Variants in FNIP1 observed in about 807,000 individuals in gnomAD.
The protein encoded by FNIP1 is folliculin-interacting protein 1.
In FNIP1, 40 loss-of-function variants were observed where a neutral mutation model predicts 124.5. The observed-to-expected ratio is 0.32, with a 90% CI of 0.25 to 0.42. The LOEUF is 0.42. Among genes scored for constraint, FNIP1 ranks in the 10% least tolerant of loss-of-function variants. The pLI, the probability that FNIP1 is intolerant of heterozygous loss-of-function variation, is 1.00. For missense variants in FNIP1, 1,176 were observed against 1,403.7 expected (o/e 0.84, Z 2.59); for synonymous variants, 472 against 470.6 (o/e 1.00, Z -0.04).
At chr5:131,776,578 GAAT>G (rs1447747516) in intron 1 of FNIP1, among the ~76,000 whole-genome samples, 3 of 152,178 alleles carry the variant, frequency 2.0e-5, no homozygotes, top group Non-Finnish European at 4.4e-5. Flanking sequence ...GTGGCAATAT[GAAT>G]AAATCTGAAA....
At chr5:131,761,257 C>T (rs956474058) in intron 1 of FNIP1, among the ~76,000 whole-genome samples, 3 of 152,038 alleles carry the variant, frequency 2.0e-5, no homozygotes, top group Non-Finnish European at 2.9e-5. Context: ...ACATACTGAC[C>T]AGGAAGTCCT....
intron 10 of FNIP1, 25 bp from the exon 11 acceptor site, chr5:131,699,027 T>A (rs775225628): frequency 6.3e-7 from 1 of 1,581,928 alleles, no homozygotes. Flanking sequence ...TTGAGATAGT[T>A]AATTCTTATG....
chr5:131,744,833 T>A, intron 1 of FNIP1, 143 bp from the exon 2 acceptor site: 1 of 527,846 alleles, frequency 1.9e-6, no homozygotes, highest in Non-Finnish European at 2.7e-6. Context: ...ATATTAAATA[T>A]CACCAGTTCA....
At chr5:131,665,573 A>AT (rs1554092474) in intron 15 of FNIP1, among the ~76,000 whole-genome samples, 5 of 149,594 alleles carry the variant, frequency 3.3e-5, no homozygotes, top group East Asian at 3.9e-4. Flanking sequence ...AGGATTAAAA[A>AT]ATATATATAT....
At chr5:131,702,414 A>G (rs1041054539) in intron 10 of FNIP1, among the ~76,000 whole-genome samples, 1 of 152,134 alleles carries the variant, frequency 6.6e-6, no homozygotes, top group Admixed American at 6.5e-5. Context: ...AAATGGGCAT[A>G]TAATTTGAAA....
intron 2 of FNIP1, among the ~76,000 whole-genome samples, chr5:131,732,402 C>G (rs7702182): frequency 0.44 from 66,130 of 151,988 alleles, 17,565 homozygotes; most frequent in Non-Finnish European, 0.59. Context: ...GAGGTCCTTG[C>G]CCATGCCTAT....
In FNIP1 at chr5:131,778,825, G is replaced by A. The variant is rs1490487489; in HGVS notation, c.92+18005C>T. On this transcript the variant is annotated intron_variant, in intron 1 of 17. Coordinates refer to ENST00000510461, the MANE Select transcript of FNIP1 (RefSeq NM_133372.3). ...GGAATACTATGCAGCCATAAAAAAG[G>A]ATGAGTTCATGTCGTTTGTAGGGAC... 3.8e-3 allele frequency among the ~76,000 whole-genome samples: 527 copies of A among 138,572 alleles called. 10 individuals are homozygous for A. The highest frequency in any genetic ancestry group is 0.014 in the African/African-American group (513 of 36,208). The allele number at this position is 138,572 out of a possible 152,430, so 90.9% of individuals were successfully genotyped here.
At chr5:131,763,243 CTG>C (rs529036968) in intron 1 of FNIP1, among the ~76,000 whole-genome samples, 75 of 152,064 alleles carry the variant, frequency 4.9e-4, no homozygotes, top group African/African-American at 1.8e-3. Flanking sequence ...TTATTACACA[CTG>C]TATGCCTGTA....
intron 6 of FNIP1, among the ~76,000 whole-genome samples, chr5:131,712,517 A>G (rs1769329909): frequency 6.6e-6 from 1 of 152,192 alleles, no homozygotes; most frequent in South Asian, 2.1e-4. Flanking sequence ...ATCACAAAAG[A>G]CTGAATACAG....
intron 3 of FNIP1, among the ~76,000 whole-genome samples, chr5:131,721,029 C>T (rs1405526859): frequency 4.6e-5 from 7 of 152,160 alleles, no homozygotes; most frequent in Non-Finnish European, 1.0e-4. Flanking sequence ...GTTAGCACTC[C>T]TATATTCATT....
intron 1 of FNIP1, among the ~76,000 whole-genome samples, chr5:131,773,027 ACT>A (rs1580827174): frequency 6.6e-6 from 1 of 152,026 alleles, no homozygotes; most frequent in East Asian, 1.9e-4. Context: ...GTGTATCTTG[ACT>A]CTCAATAATC....
At chr5:131,646,559 A>G (rs1191116563) in intron 17 of FNIP1, among the ~76,000 whole-genome samples, 1 of 152,236 alleles carries the variant, frequency 6.6e-6, no homozygotes, top group Non-Finnish European at 1.5e-5. Flanking sequence ...AAGTGACCAC[A>G]GAACATAATG....
intron 2 of FNIP1, among the ~76,000 whole-genome samples, chr5:131,732,602 CTTGT>C (rs1400495560): frequency 6.6e-6 from 1 of 152,190 alleles, no homozygotes; most frequent in African/African-American, 2.4e-5. Context: ...TTCCCCATTG[CTTGT>C]TTTTGTCAGG....
intron 2 of FNIP1, among the ~76,000 whole-genome samples, chr5:131,739,730 G>A (rs1366200794): frequency 6.0e-5 from 9 of 149,360 alleles, no homozygotes; most frequent in East Asian, 2.0e-4. Context: ...GGAGAATGGC[G>A]TGAACCCAGG....
chr5:131,690,084 A>T (rs1302875059), intron 11 of FNIP1, among the ~76,000 whole-genome samples: 2 of 152,008 alleles, frequency 1.3e-5, no homozygotes, highest in Non-Finnish European at 2.9e-5. Context: ...TTAGCCGGGC[A>T]TGGTGGCGGG....
chr5:131,672,230 C>A lies in FNIP1; in HGVS notation c.2214G>T (p.Val738=). 1.2e-6 allele frequency: 2 copies of A among 1,614,190 alleles called. No homozygotes were observed. Among genetic ancestry groups the A allele is most frequent in the Non-Finnish European group, 1.7e-6 (2 of 1,180,038 alleles). Residue 738 remains valine (V), a synonymous_variant, in exon 14 of 18, where the codon GTG becomes GTT. Coordinates refer to ENST00000510461, the MANE Select transcript of FNIP1 (RefSeq NM_133372.3). ...CAGCCTCACAAGAAAATGAAGCAGG[C>A]ACAATCTTATCTGGAGGTTTTTTTT... is the stretch of plus-strand genomic sequence containing the variant. The part of the protein sequence containing the change: ...VVEKKPPDKI[V]PASFSCEAAQ...
intron 15 of FNIP1, among the ~76,000 whole-genome samples, chr5:131,656,336 C>T (rs552320964): frequency 1.3e-5 from 2 of 152,256 alleles, no homozygotes; most frequent in East Asian, 3.9e-4. Context: ...ACCATGAGGA[C>T]AGTTGTAAAA....
chr5:131,723,275 T>A (rs555158942), intron 3 of FNIP1, among the ~76,000 whole-genome samples: 250 of 152,296 alleles, frequency 1.6e-3, no homozygotes, highest in Non-Finnish European at 3.0e-3. Flanking sequence ...TGTGTCTAAC[T>A]CCATTGTTAT....
chr5:131,666,729 A>C (rs904516543), intron 15 of FNIP1, among the ~76,000 whole-genome samples: 4 of 152,222 alleles, frequency 2.6e-5, no homozygotes, highest in Non-Finnish European at 5.9e-5. Context: ...GGCAACAATA[A>C]AAACTAAATA....
Sources: allele counts gnomAD v4.1 joint callset (sites outside exome capture counted in the v4.1 genomes callset), GRCh38; gene constraint gnomAD v4.1.1; transcripts MANE v1.5; gene names NCBI Gene and HGNC (gene_info 2026-07-23, HGNC 2026-07-21).